Variants in CHEK2 observed in about 807,000 individuals in gnomAD.
CHEK2 encodes the protein serine/threonine-protein kinase Chk2.
In CHEK2, 71 loss-of-function variants were observed where a neutral mutation model predicts 69.1. The ratio of observed to expected loss-of-function variants is 1.03; its 90% CI spans 0.85 to 1.25. CHEK2 has a LOEUF of 1.25. Ranked by LOEUF, CHEK2 falls within the 50% of genes most tolerant of loss-of-function variation. The probability of loss-of-function intolerance (pLI) is 0.00; values close to 1 mark genes in which losing one functional copy is unlikely to be tolerated. For missense variants in CHEK2, 664 were observed against 649.6 expected (o/e 1.02, Z -0.24); for synonymous variants, 189 against 226.9 (o/e 0.83, Z 1.50).
intron 7 of CHEK2, among the ~76,000 whole-genome samples, chr22:28,707,594 A>T (rs912768376): frequency 5.3e-5 from 8 of 152,196 alleles, no homozygotes; most frequent in African/African-American, 1.7e-4. Flanking sequence ...TCCAAAGGTC[A>T]GGCTCTCTTG....
chr22:28,697,091 C>T (rs919032799), intron 9 of CHEK2, 104 bp from the exon 10 acceptor site: 74 of 749,212 alleles, frequency 9.9e-5, no homozygotes, highest in Non-Finnish European at 1.5e-4. Flanking sequence ...AACCGTAAGC[C>T]GTGATACACA....
intron 2 of CHEK2, among the ~76,000 whole-genome samples, chr22:28,730,887 T>A (rs1206658724): frequency 2.0e-5 from 3 of 151,580 alleles, no homozygotes; most frequent in African/African-American, 7.3e-5. Context: ...TTAAAATGAA[T>A]AAAGGACCTT....
chr22:28,692,719 C>T (rs1486308563), intron 13 of CHEK2, among the ~76,000 whole-genome samples: 2 of 152,190 alleles, frequency 1.3e-5, no homozygotes, highest in Non-Finnish European at 2.9e-5. Flanking sequence ...CCACAGAAAA[C>T]GGATTGATAC....
At chr22:28,712,720 C>T (rs1353765470) in intron 5 of CHEK2, among the ~76,000 whole-genome samples, 1 of 152,112 alleles carries the variant, frequency 6.6e-6, no homozygotes, top group East Asian at 1.9e-4. Context: ...CATCAATTAC[C>T]CATTATGAAG....
intron 1 of CHEK2, chr22:28,737,925 G>C (rs987014386): frequency 2.0e-5 from 3 of 152,298 alleles, no homozygotes; most frequent in African/African-American, 7.2e-5. Context: ...CAAAGGTTCT[G>C]CCAGGTGTGG....
chr22:28,723,212 T>A (rs929818493), intron 4 of CHEK2, among the ~76,000 whole-genome samples: 5 of 152,192 alleles, frequency 3.3e-5, no homozygotes, highest in Non-Finnish European at 5.9e-5. Flanking sequence ...ACATCTCCAC[T>A]TGTGCACGAT....
At chr22:28,710,367 C>T (rs1253704218) in intron 6 of CHEK2, among the ~76,000 whole-genome samples, 1 of 152,190 alleles carries the variant, frequency 6.6e-6, no homozygotes, top group African/African-American at 2.4e-5. Flanking sequence ...GCTCAGAAAA[C>T]AGAAGCCACT....
chr22:28,695,089 T>C (rs1264888614), intron 12 of CHEK2, 38 bp downstream of exon 12: 7 of 1,278,904 alleles, frequency 5.5e-6, no homozygotes, highest in Non-Finnish European at 4.6e-6. Flanking sequence ...ATACACATTT[T>C]AGCATACCAC....
intron 1 of CHEK2, chr22:28,737,332 TA>T (rs1276289194): frequency 1.9e-5 from 9 of 467,972 alleles, no homozygotes; most frequent in East Asian, 5.7e-5. Flanking sequence ...ACCTTTTCAG[TA>T]AAAGGAAACA....
intron 2 of CHEK2, among the ~76,000 whole-genome samples, chr22:28,725,842 G>A (rs1336970184): frequency 2.0e-5 from 3 of 151,744 alleles, no homozygotes. Flanking sequence ...CCAGGAGGTC[G>A]AGGCTGCAGT....
chr22:28,706,853 T>A (rs1193597231), intron 7 of CHEK2, among the ~76,000 whole-genome samples: 2 of 150,790 alleles, frequency 1.3e-5, no homozygotes, highest in Non-Finnish European at 2.9e-5. Flanking sequence ...GAGGCGGAGG[T>A]TGCAGTAAGC....
chr22:28,692,895 C>G (rs1456724233), intron 13 of CHEK2, among the ~76,000 whole-genome samples: 2 of 152,148 alleles, frequency 1.3e-5, no homozygotes, highest in African/African-American at 2.4e-5. Context: ...ATAAGAGGAT[C>G]TTCGCCCTTC....
chr22:28,703,248 G>A (rs1443024878), intron 8 of CHEK2, among the ~76,000 whole-genome samples: 5 of 152,190 alleles, frequency 3.3e-5, no homozygotes, highest in African/African-American at 4.8e-5. Flanking sequence ...TGGGTGGTCA[G>A]CTAGTCAACT....
At chr22:28,735,405 C>CA (rs139247305) in intron 1 of CHEK2, among the ~76,000 whole-genome samples, 76 of 141,560 alleles carry the variant, frequency 5.4e-4, no homozygotes, top group Non-Finnish European at 5.9e-4. Context: ...GACTCCGTTT[C>CA]AAAAAAAAAA....
chr22:28,719,513 T>A (rs2146008190), intron 4 of CHEK2, 28 bp from the exon 5 acceptor site: 1 of 1,323,416 alleles, frequency 7.6e-7, no homozygotes, highest in Non-Finnish European at 1.1e-6. Flanking sequence ...AGAAATGGGT[T>A]TCATTAATTT....
chr22:28,739,389 A>G (rs1234150347), intron 1 of CHEK2, among the ~76,000 whole-genome samples: 2 of 151,886 alleles, frequency 1.3e-5, no homozygotes, highest in African/African-American at 4.8e-5. Flanking sequence ...GGAGAAATAT[A>G]AATCAAAACT....
chr22:28,734,274 G>C lies in CHEK2; in HGVS notation c.319+129C>G, dbSNP rs974370926. 1.4e-5 allele frequency: 11 copies of C among 804,012 alleles called. No individual in the cohort carries two copies. In the Admixed American group the frequency reaches 2.5e-4, roughly 18 times the overall value. 49.8% of individuals were successfully genotyped at this position (804,012 alleles called of 1,614,324 possible). A position where few individuals can be genotyped will look rare whatever the true frequency, so the allele number is the denominator to read the frequency against. On this transcript the variant is annotated intron_variant, in intron 2 of 14. Coordinates refer to ENST00000404276, the MANE Select transcript of CHEK2 (RefSeq NM_007194.4). ...ATGCTTTCATTGCTTGTTCATGCAT[G>C]ATGTTCAATTATTTGTTCAACGTGC... is the stretch of plus-strand genomic sequence containing the variant.
chr22:28,689,303 G>A (rs1461724997), intron 13 of CHEK2, 88 bp from the exon 14 acceptor site: 24 of 959,204 alleles, frequency 2.5e-5, no homozygotes, highest in Non-Finnish European at 3.5e-5. Context: ...TGTGGAAAGA[G>A]GGAGGAAAAA....
intron 13 of CHEK2, among the ~76,000 whole-genome samples, chr22:28,690,257 C>T (rs1285431159): frequency 2.6e-5 from 4 of 152,124 alleles, no homozygotes; most frequent in Non-Finnish European, 5.9e-5. Context: ...TTTGGGAGGC[C>T]AAGGTGGGAG....
Sources: gnomAD v4.1 joint callset for allele counts (sites outside exome capture counted in the v4.1 genomes callset) on GRCh38, gnomAD v4.1.1 for gene constraint, MANE v1.5 for transcripts, NCBI Gene and HGNC (gene_info 2026-07-23, HGNC 2026-07-21) for gene names.